MIB2: variants seen among roughly 807,000 people sequenced by gnomAD.
MIB2 encodes MIB E3 ubiquitin protein ligase 2.
In MIB2, 78 loss-of-function variants were observed where a neutral mutation model predicts 96.6. The observed-to-expected ratio is 0.81, with a 90% CI of 0.67 to 0.97. The LOEUF is 0.97. Ranked by LOEUF, MIB2 falls within the 50% of genes least tolerant of loss-of-function variation. MIB2 has a pLI of 0.00. For synonymous variants in MIB2, 820 were observed against 629.5 expected, an observed-to-expected ratio of 1.30 and a Z score of -4.53; for missense variants, 1,543 against 1,424.0, an observed-to-expected ratio of 1.08 and a Z score of -1.35.
upstream of MIB2, chr1:1,615,372 T>G: frequency 5.6e-6 from 8 of 1,421,414 alleles, no homozygotes; most frequent in Non-Finnish European, 6.4e-6. Flanking sequence ...GGAACCTAGC[T>G]GCGCCACGCA....
In MIB2 at chr1:1,627,024, T is replaced by A. The variant is rs747673096; in HGVS notation, c.1240+25T>A. 3.7e-6 allele frequency: 6 copies of A among 1,606,732 alleles called. No homozygotes were observed. The African/African-American group carries it at 6.7e-5, about 18-fold the overall frequency. On this transcript the variant is annotated intron_variant, in intron 10 of 19. Transcript: ENST00000355826. Reference sequence around the variant, plus strand: ...AGTGCGGCACAGCTCAGGCGGCCAGTGGGAGGTGGGGCTGCCCCTGGCCAC... The same window carrying A: ...AGTGCGGCACAGCTCAGGCGGCCAGAGGGAGGTGGGGCTGCCCCTGGCCAC...
chr1:1,627,598 G>A, intron 12 of MIB2, 75 bp from the exon 13 acceptor site: 2 of 1,518,384 alleles, frequency 1.3e-6, no homozygotes, highest in Non-Finnish European at 8.8e-7. Flanking sequence ...CCTGGGGTCG[G>A]GCCTGGCGGG....
chr1:1,630,252 C>A (rs1396912600), intron 19 of MIB2, 40 bp from the exon 20 acceptor site: 5 of 984,792 alleles, frequency 5.1e-6, no homozygotes, highest in South Asian at 1.8e-5. Context: ...CGCATTCCCC[C>A]ACCCGGCCTC....
chr1:1,629,109 A>G, intron 16 of MIB2, 24 bp from the exon 17 acceptor site: 1 of 1,431,926 alleles, frequency 7.0e-7, no homozygotes, highest in Non-Finnish European at 9.1e-7. Flanking sequence ...GCCCGCCCTC[A>G]CCGGCGTCTG....
chr1:1,628,558 C>A lies in MIB2; in HGVS notation c.2038C>A (p.His680Asn). The change falls in exon 16 of 20, where the codon CAC becomes AAC. Residue 680 changes from histidine (H) to asparagine (N), a missense_variant. Transcript: ENST00000355826. ...SPLHLAVQQAHVGLVPLLVDA... is the reference protein window; with the variant it reads ...SPLHLAVQQANVGLVPLLVDA... ...GCTGCATCTCGCCGTGCAACAGGCC[C>A]ACGTGGGGCTGGTGCCGCTACTGGT... 1 of 1,601,692 alleles carries A rather than the reference C, an allele frequency of 6.2e-7. No individual in the cohort carries two copies.
In MIB2 at chr1:1,623,426, C is replaced by T; in HGVS notation, c.-22-5C>T. The T allele has an allele frequency of 6.2e-7, 1 of 1,603,400 alleles. No individual in the cohort carries two copies. Among genetic ancestry groups the T allele is most frequent in the Non-Finnish European group, 8.5e-7 (1 of 1,176,546 alleles). On this transcript the variant is annotated splice_region_variant and splice_polypyrimidine_tract_variant and intron_variant, in intron 2 of 19. Coordinates refer to ENST00000355826, the MANE Select transcript of MIB2 (RefSeq NM_001170687.4). The stretch of plus-strand genomic sequence containing the variant: ...CCGGCCCACCATGGACCCCTCTGCC[C>T]ACAGGTCCCGAGCAGCCCCGCCCAA...
rs772699990 is a variant in MIB2 at position 1,630,512 on chromosome 1, C to T, written c.2850C>T (p.Arg950=). 3.8e-6 allele frequency: 6 copies of T among 1,587,888 alleles called. No individual in the cohort carries two copies. Among genetic ancestry groups the T allele is most frequent in the Admixed American group, 3.4e-5 (2 of 58,590 alleles). Residue 950 remains arginine (R), a synonymous_variant, in exon 20 of 20, where the codon CGC becomes CGT. Coordinates refer to ENST00000355826, the MANE Select transcript of MIB2 (RefSeq NM_001170687.4). ...TCTGCCGCCAGCCCATCCGCGACCGCATCCAGATCTTCGTGTGAGCCGCGC... is the reference window on the plus strand; with the variant it reads ...TCTGCCGCCAGCCCATCCGCGACCGTATCCAGATCTTCGTGTGAGCCGCGC... ...CPICRQPIRD[R]IQIFV
chr1:1,625,164 A>G lies in MIB2; in HGVS notation c.700A>G (p.Lys234Glu), dbSNP rs1011018002. Residue 234 changes from lysine to glutamate, a missense_variant, in exon 6 of 20, where the codon AAG becomes GAG. Physicochemically the swap from Lys to Glu is moderately conservative, Grantham distance 56 (BLOSUM62 1). Coordinates refer to ENST00000355826, the MANE Select transcript of MIB2 (RefSeq NM_001170687.4). This position sits in a 1 kb window ranked among gnomAD's most constrained non-coding sequence, Gnocchi z 5.0. ...VGEAAGGFYY[K>E]DHLPRLGKPA... is the part of the protein sequence containing the mutation. ...CGAGGCAGCGGGCGGCTTCTACTAC[A>G]AGGACCACCTCCCAAGGCTCGGTAT... 2 of 1,611,604 alleles carry G rather than the reference A, an allele frequency of 1.2e-6. No individual in the cohort carries two copies. The highest frequency in any genetic ancestry group is 1.3e-5 in the African/African-American group (1 of 74,876).
chr1:1,624,050 A>G lies in MIB2; in HGVS notation c.419+105A>G, dbSNP rs1644510954. 1.1e-5 allele frequency: 15 copies of G among 1,332,392 alleles called. No homozygotes were observed. The South Asian group carries it at 2.1e-4, about 19-fold the overall frequency. The allele number at this position is 1,332,392 out of a possible 1,614,324, so 82.5% of individuals were successfully genotyped here. ...CTGCCTCCTGACCGCTCCCAGGAAGACGGAGCAAGTCTCTCCAGAGCCGTG... is the reference window on the plus strand; with the variant it reads ...CTGCCTCCTGACCGCTCCCAGGAAGGCGGAGCAAGTCTCTCCAGAGCCGTG... On this transcript the variant is annotated intron_variant, in intron 4 of 19. Transcript: ENST00000355826.
At chr1:1,615,242 G>A (rs1409640244), upstream of MIB2, 6 of 930,210 alleles carry the variant, frequency 6.5e-6, no homozygotes, top group Admixed American at 1.9e-4. Context: ...AGGTGGCTGC[G>A]GCGCGGCAAG....
Position 1,626,925 on chromosome 1 carries a change from C to T in MIB2, c.1166C>T (p.Pro389Leu), listed in dbSNP as rs1436942575. The T allele has an allele frequency of 1.2e-6, 2 of 1,610,190 alleles. No homozygotes were observed. Among genetic ancestry groups the T allele is most frequent in the Non-Finnish European group, 1.7e-6 (2 of 1,179,536 alleles). The change falls in exon 10 of 20, where the codon CCC becomes CTC. Residue 389 changes from proline to leucine, a missense_variant. Coordinates refer to ENST00000355826, the MANE Select transcript of MIB2 (RefSeq NM_001170687.4). This position sits in a 1 kb window ranked among gnomAD's most constrained non-coding sequence, Gnocchi z 5.3. ...GCTGGTCAGCGGTGGACCTTCAGCC[C>T]CTCCTGCCTGGTGGCCTACCGGCCC... ...AVAGQRWTFS[P>L]SCLVAYRPEE...
chr1:1,624,774 T>C, intron 4 of MIB2, 21 bp from the exon 5 acceptor site: 1 of 1,606,904 alleles, frequency 6.2e-7, no homozygotes. Flanking sequence ...CTGAGAGCTT[T>C]ATTTGTGAAC....
intron 13 of MIB2, 30 bp from the exon 14 acceptor site, chr1:1,627,989 C>G: frequency 6.2e-7 from 1 of 1,610,982 alleles, no homozygotes; most frequent in Non-Finnish European, 8.5e-7. Context: ...AGAAGTCACC[C>G]CCAGGTGACC....
rs780929426 is a variant in MIB2, at chr1:1,628,125, C to G, written c.1787C>G (p.Thr596Ser). 2 of 1,613,418 alleles carry G rather than the reference C, an allele frequency of 1.2e-6. No homozygotes were observed. Among genetic ancestry groups the G allele is most frequent in the Non-Finnish European group, 1.7e-6 (2 of 1,180,000 alleles). ...GTGCCAAACATCGATGTTACCGCCA[C>G]CAACAGCCAGGGTTTCACCCTGCTG... is the stretch of plus-strand genomic sequence containing the variant. Reference protein sequence around the residue: ...TEVPNIDVTATNSQGFTLLHH... With the variant: ...TEVPNIDVTASNSQGFTLLHH... The change falls in exon 14 of 20, where the codon ACC (threonine) becomes AGC (serine). Residue 596 changes from threonine (T) to serine (S), a missense_variant. Physicochemically the swap from Thr to Ser is moderately conservative, Grantham distance 58. Coordinates refer to ENST00000355826, the MANE Select transcript of MIB2 (RefSeq NM_001170687.4).
chr1:1,630,492 C>A lies in MIB2; in HGVS notation c.2830C>A (p.Arg944Ser). ...CGCGCTCAGCGCCTGCCCCATCTGC[C>A]GCCAGCCCATCCGCGACCGCATCCA... ...GSALSACPIC[R>S]QPIRDRIQIF... Residue 944 changes from arginine (R) to serine (S), a missense_variant, in exon 20 of 20, where the codon CGC (arginine) becomes AGC (serine). By Grantham distance (110) the Arg-to-Ser change is moderately radical. Transcript: ENST00000355826. 1 of 1,593,630 alleles carries A rather than the reference C, an allele frequency of 6.3e-7. No homozygotes were observed. Among genetic ancestry groups the A allele is most frequent in the Non-Finnish European group, 8.5e-7 (1 of 1,175,200 alleles).
intron 4 of MIB2, 91 bp from the exon 5 acceptor site, chr1:1,624,704 C>T (rs1644571859): frequency 2.5e-6 from 3 of 1,215,246 alleles, no homozygotes; most frequent in Middle Eastern, 1.9e-4. Flanking sequence ...GGACAGGGGG[C>T]CTGCTCCACT....
In MIB2 at chr1:1,627,251, T is replaced by A. The variant is rs762638844; in HGVS notation, c.1374+44T>A. 6 of 1,611,762 alleles carry A rather than the reference T, an allele frequency of 3.7e-6. No individual in the cohort carries two copies. In the African/African-American group the frequency reaches 4.0e-5, roughly 11 times the overall value. On this transcript the variant is annotated intron_variant, in intron 11 of 19. Transcript: ENST00000355826. ...CCTCCCATACTGGCCAGTCTGAGAG[T>A]GAGGGGCAGAGGGCCAGGGACTCAC...
rs912423238 is a variant in MIB2, at chr1:1,625,495, C to T, written c.865-51C>T. ...CAGCCCTCCGCCCCCTCAGCCCCTT[C>T]CTCCCCAAGCGTCCAGCCCGACCCA... On this transcript the variant is annotated intron_variant, in intron 7 of 19. Transcript: ENST00000355826. The surrounding 1 kb of genome is among the most constrained non-coding windows in gnomAD (Gnocchi z 5.0). The T allele has an allele frequency of 9.1e-6, 13 of 1,430,024 alleles. No individual in the cohort carries two copies. The African/African-American group carries it at 1.8e-4, about 20-fold the overall frequency. The allele number at this position is 1,430,024 out of a possible 1,614,324, so 88.6% of individuals were successfully genotyped here. A position where few individuals can be genotyped will look rare whatever the true frequency, so the allele number is the denominator to read the frequency against.
Position 1,627,824 on chromosome 1 carries a change from C to T in MIB2, c.1675C>T (p.Leu559=), listed in dbSNP as rs771205882. The change falls in exon 13 of 20, where the codon CTG becomes TTG. Residue 559 remains leucine (L), a synonymous_variant. Coordinates refer to ENST00000355826, the MANE Select transcript of MIB2 (RefSeq NM_001170687.4). The part of the protein sequence containing the change: ...ALCERGCDVN[L]PDAHSDTPLH... ...GTGTGAGCGCGGCTGTGACGTCAACCTGCCCGTGAGTGCTGCTCCCTGGCC... is the reference window on the plus strand; with the variant it reads ...GTGTGAGCGCGGCTGTGACGTCAACTTGCCCGTGAGTGCTGCTCCCTGGCC... 3 of 1,593,340 alleles carry T rather than the reference C, an allele frequency of 1.9e-6. No homozygotes were observed. The highest frequency in any genetic ancestry group is 1.1e-5 in the South Asian group (1 of 90,882).
Sources: allele counts gnomAD v4.1 joint callset, GRCh38; gene constraint gnomAD v4.1.1; non-coding constraint Gnocchi (gnomAD v3.1); transcripts MANE v1.5; gene names NCBI Gene and HGNC (gene_info 2026-07-23, HGNC 2026-07-21).